Variants in RANBP2 observed in about 807,000 individuals in gnomAD.
RANBP2 encodes the protein E3 SUMO-protein ligase RanBP2.
RANBP2 carries 57 observed loss-of-function variants against 303.6 expected under a neutral mutation model. The ratio of observed to expected loss-of-function variants is 0.19; its 90% CI spans 0.15 to 0.23. The LOEUF (loss-of-function observed/expected upper bound fraction) is 0.23, where lower values mean the gene tolerates loss of function less well. RANBP2 is among the 10% of genes least tolerant of loss of function. RANBP2 has a pLI of 1.00. For missense variants in RANBP2, 3,138 were observed against 3,780.8 expected, an observed-to-expected ratio of 0.83 and a Z score of 4.46; for synonymous variants, 1,167 against 1,301.5, an observed-to-expected ratio of 0.90 and a Z score of 2.23.
the RANBP2 span, chr2:109,129,933 CGG>C: frequency 6.8e-7 from 1 of 1,481,056 alleles, no homozygotes; most frequent in Non-Finnish European, 8.9e-7. Flanking sequence ...GCACCAGCCC[CGG>C]CGGCAGCCCG....
the RANBP2 span, among the ~76,000 whole-genome samples, chr2:109,727,146 G>A: frequency 6.6e-6 from 1 of 152,094 alleles, no homozygotes; most frequent in African/African-American, 2.4e-5. Context: ...TACCTCCCTC[G>A]AAATCAACTC....
chr2:109,424,361 C>G, the RANBP2 span, among the ~76,000 whole-genome samples: 1 of 152,212 alleles, frequency 6.6e-6, no homozygotes, highest in Admixed American at 6.5e-5. Flanking sequence ...AGAGGGGACC[C>G]AGGCTGGGCA....
At chr2:109,021,088 G>A in the RANBP2 span, among the ~76,000 whole-genome samples, 1 of 152,216 alleles carries the variant, frequency 6.6e-6, no homozygotes, top group East Asian at 1.9e-4. Context: ...GGGGGTCGGT[G>A]GGAATGCTTC....
At chr2:108,820,231 G>A in the RANBP2 span, among the ~76,000 whole-genome samples, 23 of 151,952 alleles carry the variant, frequency 1.5e-4, no homozygotes, top group African/African-American at 4.1e-4. Flanking sequence ...AACATGGTGC[G>A]ACCCCGTGCC....
chr2:109,258,112 C>T, the RANBP2 span, among the ~76,000 whole-genome samples: 1 of 152,182 alleles, frequency 6.6e-6, no homozygotes, highest in Non-Finnish European at 1.5e-5. Flanking sequence ...TTAACCGGCC[C>T]AGACATTGGA....
chr2:108,854,959 T>A, the RANBP2 span, among the ~76,000 whole-genome samples: 1 of 152,182 alleles, frequency 6.6e-6, no homozygotes, highest in African/African-American at 2.4e-5. Context: ...AAAACCATAT[T>A]TCATACTGAT....
chr2:109,292,516 C>G, the RANBP2 span, among the ~76,000 whole-genome samples: 2 of 152,196 alleles, frequency 1.3e-5, 1 homozygote, highest in Admixed American at 1.3e-4. Context: ...AACTGTTCAC[C>G]TATCCGACGT....
the RANBP2 span, chr2:109,543,279 A>G: frequency 6.6e-6 from 1 of 152,430 alleles, no homozygotes; most frequent in South Asian, 2.1e-4. Context: ...ACAAGTATGT[A>G]ATGAAAAGTT....
chr2:109,721,797 A>C, the RANBP2 span, among the ~76,000 whole-genome samples: 1 of 152,214 alleles, frequency 6.6e-6, no homozygotes, highest in Non-Finnish European at 1.5e-5. Flanking sequence ...CCATGGGTGC[A>C]GCTGGCAAGG....
the RANBP2 span, among the ~76,000 whole-genome samples, chr2:108,980,390 G>A: frequency 6.6e-6 from 1 of 152,006 alleles, no homozygotes; most frequent in Non-Finnish European, 1.5e-5. Flanking sequence ...TGGTGGGCAC[G>A]CCCTGCCGCT....
the RANBP2 span, among the ~76,000 whole-genome samples, chr2:109,244,373 C>T: frequency 2.6e-5 from 4 of 152,164 alleles, no homozygotes; most frequent in African/African-American, 9.7e-5. Flanking sequence ...ATATAAACCT[C>T]AGGTGGTATT....
chr2:109,129,932 C>G, the RANBP2 span: 1 of 1,481,800 alleles, frequency 6.7e-7, no homozygotes, highest in Non-Finnish European at 8.9e-7. Flanking sequence ...GGCACCAGCC[C>G]CGGCGGCAGC....
chr2:108,831,700 T>TCATCCTTCCTTC, the RANBP2 span, among the ~76,000 whole-genome samples: 1 of 145,152 alleles, frequency 6.9e-6, no homozygotes, highest in East Asian at 2.1e-4. Flanking sequence ...TGGCACAGAA[T>TCATCCTTCCTTC]CTTCCTTCCT....
At chr2:109,448,569 T>TG in the RANBP2 span, among the ~76,000 whole-genome samples, 1 of 152,176 alleles carries the variant, frequency 6.6e-6, no homozygotes, top group Non-Finnish European at 1.5e-5. Flanking sequence ...ACGCTCCTTA[T>TG]GAGAATCTAA....
intron 6 of RANBP2, among the ~76,000 whole-genome samples, chr2:108,739,151 C>T (rs1016537653): frequency 1.3e-5 from 2 of 151,884 alleles, no homozygotes; most frequent in East Asian, 2.0e-4. Context: ...CCCTGTAATC[C>T]CAGCACTTTG....
chr2:109,308,200 T>G, the RANBP2 span, among the ~76,000 whole-genome samples: 2 of 132,210 alleles, frequency 1.5e-5, no homozygotes, highest in Middle Eastern at 7.6e-3. Context: ...TTCATGTGTT[T>G]TTTGGCTGCA....
At chr2:109,760,424 C>CAG in the RANBP2 span, 2 of 880,936 alleles carry the variant, frequency 2.3e-6, no homozygotes, top group Admixed American at 8.4e-5. Context: ...GCGGCGGCGG[C>CAG]GGCGGCGCAG....
At chr2:109,739,653 A>C in the RANBP2 span, among the ~76,000 whole-genome samples, 1 of 152,086 alleles carries the variant, frequency 6.6e-6, no homozygotes, top group African/African-American at 2.4e-5. Flanking sequence ...CAAATATGAG[A>C]TCATATCACC....
the RANBP2 span, among the ~76,000 whole-genome samples, chr2:108,932,528 C>CAAAAAAA: frequency 1.5e-4 from 6 of 39,154 alleles, no homozygotes; most frequent in African/African-American, 5.0e-4. Context: ...GACTCTGTCT[C>CAAAAAAA]AAAAAAAAAA....
Sources: allele counts gnomAD v4.1 joint callset (sites outside exome capture counted in the v4.1 genomes callset), GRCh38; gene constraint gnomAD v4.1.1; transcripts MANE v1.5; gene names NCBI Gene and HGNC (gene_info 2026-07-23, HGNC 2026-07-21).